PSMB9: variants seen among roughly 807,000 people sequenced by gnomAD.
PSMB9 encodes proteasome 20S subunit beta 9.
PSMB9 carries 16 observed loss-of-function variants against 26.9 expected under a neutral mutation model. That is an observed-to-expected ratio of 0.59 (90% confidence interval 0.40 to 0.90). The LOEUF (loss-of-function observed/expected upper bound fraction) is 0.90. PSMB9 is among the 40% of genes least tolerant of loss of function. The pLI, the probability that PSMB9 is intolerant of heterozygous loss-of-function variation, is 0.00. For synonymous variants in PSMB9, 91 were observed against 112.0 expected (o/e 0.81, Z 1.18); for missense variants, 253 against 292.2 (o/e 0.87, Z 0.98).
At chr6:32,856,332 A>C (rs1582652974) in intron 2 of PSMB9, 127 bp downstream of exon 2, 2 of 913,830 alleles carry the variant, frequency 2.2e-6, no homozygotes, top group East Asian at 2.5e-5. Flanking sequence ...CCTTCCCCAA[A>C]AGCCACTATG....
intron 5 of PSMB9, 100 bp from the exon 6 acceptor site, chr6:32,859,305 G>C: frequency 7.3e-7 from 1 of 1,368,456 alleles, no homozygotes; most frequent in Non-Finnish European, 9.7e-7. Context: ...GAGTTTTGAG[G>C]TGAAAGTGGT....
At chr6:32,856,116 T>A in intron 1 of PSMB9, 22 bp from the exon 2 acceptor site, 1 of 1,608,290 alleles carries the variant, frequency 6.2e-7, no homozygotes, top group Non-Finnish European at 8.5e-7. Flanking sequence ...GCCCTGACAT[T>A]CCATATTCTG....
intron 3 of PSMB9, chr6:32,857,681 C>G (rs888329916): frequency 1.1e-5 from 6 of 521,774 alleles, no homozygotes; most frequent in Non-Finnish European, 2.0e-5. Context: ...ATATTGTGAC[C>G]CACCATAATA....
At position 32,858,474 on chromosome 6, in the gene PSMB9, TC is replaced by T. The variant is rs755903489; in HGVS notation, c.504del (p.Glu169ArgfsTer15). The T allele has an allele frequency of 2.5e-6, 4 of 1,612,920 alleles. No homozygotes were observed. The South Asian group carries it at 4.4e-5, about 18-fold the overall frequency. ...VDAAYKPGMS[P>X]EECRRFTTDA... is the part of the protein sequence containing the mutation. ...ATGCAGCATATAAGCCAGGCATGTCTCCCGAGGAGTGCAGGCGCTTCACCAC... is the reference window on the plus strand; with the variant it reads ...ATGCAGCATATAAGCCAGGCATGTCTCCGAGGAGTGCAGGCGCTTCACCAC... On this transcript the variant is annotated frameshift_variant, in exon 5 of 6. Coordinates refer to ENST00000374859, the MANE Select transcript of PSMB9 (RefSeq NM_002800.5). LOFTEE classifies it high-confidence loss of function. This position sits in a 1 kb window ranked among gnomAD's most constrained non-coding sequence, Gnocchi z 5.2.
intron 1 of PSMB9, among the ~76,000 whole-genome samples, chr6:32,855,552 C>T (rs1771117324): frequency 6.6e-6 from 1 of 152,186 alleles, no homozygotes; most frequent in Admixed American, 6.5e-5. Context: ...TTTCAACCAT[C>T]TGTATGTGTT....
At position 32,858,560 on chromosome 6, in the gene PSMB9, G is replaced by A. The variant is rs1272711501; in HGVS notation, c.532+55G>A. 2 of 1,607,866 alleles carry A rather than the reference G, an allele frequency of 1.2e-6. No individual in the cohort carries two copies. Among genetic ancestry groups the A allele is most frequent in the South Asian group, 2.2e-5 (2 of 90,960 alleles). ...GAGGGCTTTGAAACATGGGAAGGAAGTAGATTATGAGGAACAGGAAGAGAA... is the reference window on the plus strand; with the variant it reads ...GAGGGCTTTGAAACATGGGAAGGAAATAGATTATGAGGAACAGGAAGAGAA... On this transcript the variant is annotated intron_variant, in intron 5 of 5. Transcript: ENST00000374859. This position sits in a 1 kb window ranked among gnomAD's most constrained non-coding sequence, Gnocchi z 5.2.
chr6:32,857,671 A>C, intron 3 of PSMB9: 1 of 530,186 alleles, frequency 1.9e-6, no homozygotes, highest in Non-Finnish European at 3.3e-6. Flanking sequence ...GAAGAAGGTG[A>C]TATTGTGACC....
chr6:32,856,139 C>G lies in PSMB9; in HGVS notation c.62C>G (p.Thr21Ser). Reference protein sequence around the residue: ...LPRAGEVHTGTTIMAVEFDGG... With the variant: ...LPRAGEVHTGSTIMAVEFDGG... The stretch of plus-strand genomic sequence containing the variant: ...ATTCCATATTCTGTGTCTCTGCAGA[C>G]CACCATCATGGCAGTGGAGTTTGAC... The change falls in exon 2 of 6, where the codon ACC becomes AGC. Residue 21 changes from threonine to serine, a missense_variant and splice_region_variant. Coordinates refer to ENST00000374859, the MANE Select transcript of PSMB9 (RefSeq NM_002800.5). 6.2e-7 allele frequency: 1 copy of G among 1,612,704 alleles called. No individual in the cohort carries two copies. The highest frequency in any genetic ancestry group is 8.5e-7 in the Non-Finnish European group (1 of 1,179,690).
At position 32,859,562 on chromosome 6, in the gene PSMB9, G is replaced by T. The variant is rs1273760661; in HGVS notation, c.*30G>T. The T allele has an allele frequency of 2.5e-6, 4 of 1,607,788 alleles. No homozygotes were observed. Among genetic ancestry groups the T allele is most frequent in the Middle Eastern group, 1.6e-4 (1 of 6,074 alleles). On this transcript the variant is annotated 3_prime_UTR_variant, in exon 6 of 6. Transcript: ENST00000374859. ...TCCCCAGACTTCTCTTTCTTATTTT[G>T]TAATAAACTCTCTAGGGCCAAAACC... is the stretch of plus-strand genomic sequence containing the variant.
chr6:32,859,003 G>A (rs1269263797), intron 5 of PSMB9: 1 of 213,540 alleles, frequency 4.7e-6, no homozygotes, highest in Non-Finnish European at 9.3e-6. Flanking sequence ...AGTGAGCGGT[G>A]ATTGCACCAC....
intron 2 of PSMB9, 45 bp from the exon 3 acceptor site, chr6:32,857,218 A>AAAAAC (rs1562382752): frequency 1.8e-5 from 26 of 1,426,786 alleles, no homozygotes; most frequent in Middle Eastern, 2.3e-4. Flanking sequence ...AAAAAAAAAA[A>AAAAAC]AAACCTGAGT....
At chr6:32,856,073 C>G in intron 1 of PSMB9, 65 bp from the exon 2 acceptor site, 4 of 1,445,404 alleles carry the variant, frequency 2.8e-6, no homozygotes, top group Non-Finnish European at 3.9e-6. Flanking sequence ...AATGTTTCTT[C>G]TTCTCTAACA....
At chr6:32,856,280 T>A in intron 2 of PSMB9, 75 bp downstream of exon 2, 1 of 1,446,606 alleles carries the variant, frequency 6.9e-7, no homozygotes, top group Non-Finnish European at 9.6e-7. Flanking sequence ...TACCCATTCA[T>A]GAAAAGACTG....
intron 2 of PSMB9, chr6:32,856,653 T>A (rs1771174313): frequency 6.2e-6 from 1 of 160,910 alleles, no homozygotes; most frequent in African/African-American, 2.4e-5. Context: ...ACTGACATTA[T>A]GTTCCATAGA....
At position 32,859,054 on chromosome 6, in the gene PSMB9, G is replaced by GAA. The variant is rs35686395; in HGVS notation, c.533-335_533-334dup. On this transcript the variant is annotated intron_variant, in intron 5 of 5. Transcript: ENST00000374859. ...GTGACAGAGAGAGACCCTGTCTGGAGAAAAAAAAAAAAAAAAAGAACCAGT... is the reference window on the plus strand; with the variant it reads ...GTGACAGAGAGAGACCCTGTCTGGAGAAAAAAAAAAAAAAAAAAAGAACCAGT... Among the ~76,000 whole-genome samples, 68 of 119,584 alleles carry GAA rather than the reference G, an allele frequency of 5.7e-4. 1 individual carries two copies. The highest frequency in any genetic ancestry group is 2.3e-3 in the South Asian group (8 of 3,436). 78.5% of individuals were successfully genotyped at this position (119,584 alleles called of 152,430 possible).
At chr6:32,857,893 T>G in intron 3 of PSMB9, 112 bp from the exon 4 acceptor site, 1 of 1,284,500 alleles carries the variant, frequency 7.8e-7, no homozygotes, top group Non-Finnish European at 1.1e-6. Flanking sequence ...AGGCTGCAGT[T>G]TGAGCTATTG....
At chr6:32,857,925 G>A (rs981438566) in intron 3 of PSMB9, 80 bp from the exon 4 acceptor site, 22 of 1,563,694 alleles carry the variant, frequency 1.4e-5, no homozygotes, top group Middle Eastern at 1.7e-4. Flanking sequence ...TTCAGGGGTC[G>A]TTTAGCAGGG....
At position 32,854,226 on chromosome 6, in the gene PSMB9, AG is replaced by A; in HGVS notation, c.-1del. The A allele has an allele frequency of 6.5e-7, 1 of 1,545,328 alleles. No individual in the cohort carries two copies. Among genetic ancestry groups the A allele is most frequent in the African/African-American group, 1.4e-5 (1 of 72,610 alleles). The stretch of plus-strand genomic sequence containing the variant: ...GGCGGCGAGGAGAGCGGTGCCTTGC[AG>A]GGATGCTGCGGGCGGGAGCACCAAC... On this transcript the variant is annotated 5_prime_UTR_variant, in exon 1 of 6. Transcript: ENST00000374859. The surrounding 1 kb of genome is among the most constrained non-coding windows in gnomAD (Gnocchi z 4.6).
At chr6:32,855,613 CCT>C (rs1457657265) in intron 1 of PSMB9, among the ~76,000 whole-genome samples, 2 of 152,128 alleles carry the variant, frequency 1.3e-5, no homozygotes, top group Admixed American at 6.5e-5. Flanking sequence ...CCACTGCCCT[CCT>C]CGATTTTTTC....
Sources: gnomAD v4.1 joint callset for allele counts (sites outside exome capture counted in the v4.1 genomes callset) on GRCh38, gnomAD v4.1.1 for gene constraint, Gnocchi (gnomAD v3.1) non-coding constraint, MANE v1.5 for transcripts, NCBI Gene and HGNC (gene_info 2026-07-23, HGNC 2026-07-21) for gene names.